Variants in SCHIP1 observed in about 807,000 individuals in gnomAD.
SCHIP1 encodes schwannomin-interacting protein 1.
A neutral mutation model predicts 29.7 loss-of-function variants in SCHIP1; 8 were observed. That is an observed-to-expected ratio of 0.27 (90% CI 0.16 to 0.49). SCHIP1 has a LOEUF of 0.49. Among genes scored for constraint, SCHIP1 ranks in the 20% least tolerant of loss-of-function variants. The probability of loss-of-function intolerance (pLI) is 0.99; values close to 1 mark genes in which losing one functional copy is unlikely to be tolerated. For synonymous variants in SCHIP1, 76 were observed against 94.9 expected, an observed-to-expected ratio of 0.80 and a Z score of 1.16; for missense variants, 193 against 294.6, an observed-to-expected ratio of 0.66 and a Z score of 2.52.
the SCHIP1 span, among the ~76,000 whole-genome samples, chr3:159,456,157 C>T: frequency 0.018 from 2,681 of 152,240 alleles, 87 homozygotes; most frequent in African/African-American, 0.061. Context: ...TGTCATCCTC[C>T]CTTCGCTGGA....
the SCHIP1 span, among the ~76,000 whole-genome samples, chr3:159,714,762 G>C: frequency 2.0e-5 from 3 of 152,240 alleles, no homozygotes; most frequent in Non-Finnish European, 4.4e-5. Flanking sequence ...CGAACTGGGT[G>C]GAGCCCACCT....
At chr3:159,853,979 A>G (rs1713009033) in intron 1 of SCHIP1, among the ~76,000 whole-genome samples, 4 of 152,130 alleles carry the variant, frequency 2.6e-5, no homozygotes, top group African/African-American at 9.7e-5. Context: ...TTATATGGTA[A>G]TGTTCTGGTA....
chr3:159,297,169 C>G, the SCHIP1 span, among the ~76,000 whole-genome samples: 1 of 122,196 alleles, frequency 8.2e-6, no homozygotes, highest in Admixed American at 8.2e-5. Flanking sequence ...TGTGTGTGTA[C>G]ATAATCACCT....
chr3:159,358,537 G>A, the SCHIP1 span, among the ~76,000 whole-genome samples: 1 of 152,182 alleles, frequency 6.6e-6, no homozygotes, highest in Non-Finnish European at 1.5e-5. Flanking sequence ...TGCTGCAGGG[G>A]CTGGTGGGAA....
intron 1 of SCHIP1, among the ~76,000 whole-genome samples, chr3:159,852,679 A>G (rs1045220607): frequency 1.3e-5 from 2 of 152,194 alleles, no homozygotes; most frequent in African/African-American, 2.4e-5. Flanking sequence ...CACTGCTCCC[A>G]GGGCAGAAGG....
the SCHIP1 span, among the ~76,000 whole-genome samples, chr3:159,550,955 A>C: frequency 6.6e-6 from 1 of 152,272 alleles, no homozygotes; most frequent in East Asian, 1.9e-4. Context: ...TTATTTCATA[A>C]ATTTATTCTC....
the SCHIP1 span, among the ~76,000 whole-genome samples, chr3:159,496,679 T>C: frequency 6.6e-6 from 1 of 152,166 alleles, no homozygotes. Context: ...AATTCAACCA[T>C]TGTGGAAGTC....
the SCHIP1 span, among the ~76,000 whole-genome samples, chr3:159,746,397 A>T: frequency 6.6e-6 from 1 of 152,138 alleles, no homozygotes; most frequent in Non-Finnish European, 1.5e-5. Flanking sequence ...AGTGCTTTAT[A>T]TCCACAACAC....
chr3:159,853,593 A>C (rs1307484865), intron 1 of SCHIP1: 3 of 488,406 alleles, frequency 6.1e-6, no homozygotes, highest in Non-Finnish European at 1.1e-5. Flanking sequence ...CTAAATGCAC[A>C]GAATCAAATG....
the SCHIP1 span, among the ~76,000 whole-genome samples, chr3:159,575,002 G>C: frequency 1.3e-5 from 2 of 152,006 alleles, no homozygotes; most frequent in African/African-American, 4.8e-5. Context: ...TTTCCAGGTA[G>C]TCTGTCACGG....
chr3:159,701,489 A>G, the SCHIP1 span, among the ~76,000 whole-genome samples: 9 of 152,220 alleles, frequency 5.9e-5, no homozygotes, highest in Non-Finnish European at 1.0e-4. Context: ...CATAGTCATC[A>G]AAGAAAATGG....
At chr3:159,635,877 TATC>T in the SCHIP1 span, among the ~76,000 whole-genome samples, 32 of 152,354 alleles carry the variant, frequency 2.1e-4, 1 homozygote, top group African/African-American at 7.5e-4. Context: ...TGATAAAAGT[TATC>T]ATTGTCTTAA....
chr3:159,301,793 C>A, the SCHIP1 span, among the ~76,000 whole-genome samples: 1 of 152,212 alleles, frequency 6.6e-6, no homozygotes, highest in African/African-American at 2.4e-5. Flanking sequence ...AACTGTAAGT[C>A]AATTAAACCT....
chr3:159,342,596 G>A, the SCHIP1 span, among the ~76,000 whole-genome samples: 1 of 152,050 alleles, frequency 6.6e-6, no homozygotes, highest in African/African-American at 2.4e-5. Context: ...GATTTTAAAG[G>A]TTATAGAACC....
chr3:159,492,765 T>C, the SCHIP1 span, among the ~76,000 whole-genome samples: 370 of 151,968 alleles, frequency 2.4e-3, 1 homozygote, highest in African/African-American at 8.8e-3. Flanking sequence ...ACAAAGATAC[T>C]CCTTGAGAAG....
chr3:159,864,569 C>G (rs1714417714), intron 1 of SCHIP1, among the ~76,000 whole-genome samples: 2 of 149,532 alleles, frequency 1.3e-5, no homozygotes, highest in African/African-American at 4.9e-5. Flanking sequence ...AAAGGGGGTG[C>G]TATATATATA....
At chr3:159,356,661 T>C in the SCHIP1 span, among the ~76,000 whole-genome samples, 3 of 152,222 alleles carry the variant, frequency 2.0e-5, no homozygotes, top group African/African-American at 7.2e-5. Context: ...CATTAACAAC[T>C]TTTAAAAATG....
the SCHIP1 span, among the ~76,000 whole-genome samples, chr3:159,452,658 A>G: frequency 1.3e-5 from 2 of 152,146 alleles, no homozygotes; most frequent in Non-Finnish European, 2.9e-5. Context: ...TCCTTTGAGT[A>G]TATATCCAGT....
the SCHIP1 span, among the ~76,000 whole-genome samples, chr3:159,289,746 C>T: frequency 3.2e-4 from 48 of 152,220 alleles, no homozygotes; most frequent in Non-Finnish European, 4.7e-4. Context: ...ACTACATAAA[C>T]ATTTCTTGAA....
Sources: allele counts gnomAD v4.1 joint callset (sites outside exome capture counted in the v4.1 genomes callset), GRCh38; gene constraint gnomAD v4.1.1; transcripts MANE v1.5; gene names NCBI Gene and HGNC (gene_info 2026-07-23, HGNC 2026-07-21).